The following SHB variants were observed in gnomAD, a reference collection of about 807,000 sequenced individuals.
The protein encoded by SHB is SH2 domain containing adaptor protein B.
A neutral mutation model predicts 52.3 loss-of-function variants in SHB; 20 were observed. The ratio of observed to expected loss-of-function variants is 0.38; its 90% CI spans 0.27 to 0.56. SHB has a LOEUF of 0.56. SHB is among the 20% of genes least tolerant of loss of function. The probability of loss-of-function intolerance (pLI) is 0.71; values close to 1 mark genes in which losing one functional copy is unlikely to be tolerated. For synonymous variants in SHB, 397 were observed against 316.5 expected (o/e 1.25, Z -2.70); for missense variants, 825 against 723.3 (o/e 1.14, Z -1.61).
At chr9:38,066,480 G>A (rs1821961975) in intron 1 of SHB, among the ~76,000 whole-genome samples, 1 of 152,186 alleles carries the variant, frequency 6.6e-6, no homozygotes, top group African/African-American at 2.4e-5. Flanking sequence ...CAGGGTCCTG[G>A]TGGCTCCCAG....
At chr9:37,977,408 A>C (rs139261127) in intron 2 of SHB, among the ~76,000 whole-genome samples, 1 of 152,182 alleles carries the variant, frequency 6.6e-6, no homozygotes, top group Non-Finnish European at 1.5e-5. Flanking sequence ...AGAGAATAAG[A>C]AGGGAAAAAC....
At chr9:37,974,517 G>C (rs1378537199) in intron 3 of SHB, 105 bp downstream of exon 3, 3 of 945,502 alleles carry the variant, frequency 3.2e-6, no homozygotes, top group South Asian at 1.4e-5. Context: ...CACCCAACTG[G>C]ATTATTAAAC....
At chr9:38,030,017 C>T (rs749399478) in intron 1 of SHB, among the ~76,000 whole-genome samples, 9 of 152,182 alleles carry the variant, frequency 5.9e-5, no homozygotes, top group African/African-American at 1.7e-4. Flanking sequence ...CACATCACTG[C>T]GAGATGGATG....
intron 1 of SHB, among the ~76,000 whole-genome samples, chr9:38,019,177 C>T (rs956101636): frequency 2.0e-5 from 3 of 152,214 alleles, no homozygotes; most frequent in African/African-American, 4.8e-5. Flanking sequence ...CAGTGAGCCA[C>T]GTCATCTTTT....
intron 1 of SHB, among the ~76,000 whole-genome samples, chr9:38,063,908 C>T (rs977142558): frequency 6.6e-6 from 1 of 150,542 alleles, no homozygotes; most frequent in Non-Finnish European, 1.5e-5. Flanking sequence ...TGTTGGTACA[C>T]ATTAGTATGT....
chr9:37,967,832 C>T (rs1820544481), intron 3 of SHB, among the ~76,000 whole-genome samples: 1 of 152,246 alleles, frequency 6.6e-6, no homozygotes, highest in African/African-American at 2.4e-5. Flanking sequence ...AATCCACAGA[C>T]ATGTCAGACC....
chr9:37,923,181 G>T (rs189245040), intron 5 of SHB, among the ~76,000 whole-genome samples: 3 of 152,330 alleles, frequency 2.0e-5, no homozygotes, highest in Admixed American at 2.0e-4. Context: ...ACCTGAGAGA[G>T]GGCCTCATGT....
intron 1 of SHB, among the ~76,000 whole-genome samples, chr9:38,060,268 G>A (rs543900692): frequency 9.2e-5 from 14 of 152,022 alleles, no homozygotes; most frequent in East Asian, 3.8e-4. Flanking sequence ...TCTGCCTCCC[G>A]GGTTCAAGCA....
At chr9:37,950,246 T>C (rs1271370374) in intron 4 of SHB, among the ~76,000 whole-genome samples, 1 of 151,940 alleles carries the variant, frequency 6.6e-6, no homozygotes, top group Non-Finnish European at 1.5e-5. Flanking sequence ...CTGATTTTCC[T>C]TGTGTGTGTG....
chr9:38,016,966 C>A (rs2118079998), intron 1 of SHB, among the ~76,000 whole-genome samples: 1 of 152,352 alleles, frequency 6.6e-6, no homozygotes, highest in East Asian at 1.9e-4. Context: ...GGGTGGGGGG[C>A]ACTCCCATGA....
At chr9:37,992,206 G>A (rs1276773546) in intron 2 of SHB, among the ~76,000 whole-genome samples, 3 of 152,066 alleles carry the variant, frequency 2.0e-5, no homozygotes, top group Admixed American at 2.0e-4. Flanking sequence ...TTCGAGACCA[G>A]CCTGGCCAAC....
At position 38,068,598 on chromosome 9, in the gene SHB, G is replaced by C. The variant is rs773155236; in HGVS notation, c.48C>G (p.Thr16=). The change falls in exon 1 of 6, where the codon ACC becomes ACG. Residue 16 remains threonine, a synonymous_variant. Coordinates refer to ENST00000377707, the MANE Select transcript of SHB (RefSeq NM_003028.3). ...NKYFSLGNSK[T]KSPPQPPRPD... is the part of the protein sequence containing the mutation. The stretch of plus-strand genomic sequence containing the variant: ...GCCGCGGCGGCTGCGGGGGGCTCTT[G>C]GTCTTGCTGTTGCCCAAGCTGAAGT... 2.0e-6 allele frequency: 3 copies of C among 1,493,590 alleles called. No homozygotes were observed. The African/African-American group carries it at 4.4e-5, about 22-fold the overall frequency. The allele number at this position is 1,493,590 out of a possible 1,614,324, so 92.5% of individuals were successfully genotyped here.
chr9:37,972,807 G>T (rs1387088758), intron 3 of SHB, among the ~76,000 whole-genome samples: 1 of 152,174 alleles, frequency 6.6e-6, no homozygotes, highest in African/African-American at 2.4e-5. Flanking sequence ...AGCAATTAAG[G>T]GGCCTGGGAT....
chr9:37,975,838 G>C (rs952478929), intron 2 of SHB, among the ~76,000 whole-genome samples: 6 of 152,118 alleles, frequency 3.9e-5, no homozygotes, highest in African/African-American at 1.4e-4. Flanking sequence ...GCTCAGTGTA[G>C]GGCCTGGGAG....
intron 1 of SHB, among the ~76,000 whole-genome samples, chr9:38,066,458 C>G (rs931358289): frequency 3.5e-4 from 53 of 152,202 alleles, no homozygotes; most frequent in African/African-American, 1.3e-3. Context: ...CCTCACTGAC[C>G]AAACACAGGC....
intron 1 of SHB, among the ~76,000 whole-genome samples, chr9:38,030,593 G>A (rs1459793924): frequency 6.6e-6 from 1 of 152,192 alleles, no homozygotes; most frequent in East Asian, 1.9e-4. Context: ...TCCAGGGCTA[G>A]CTTCACAGGT....
In SHB at chr9:37,918,210, T is replaced by C. The variant is rs553429703; in HGVS notation, c.*1611A>G. Among the ~76,000 whole-genome samples the C allele has an allele frequency of 1.6e-4, 25 of 152,360 alleles. No individual in the cohort carries two copies. The South Asian group carries it at 5.0e-3, about 30-fold the overall frequency. ...ACCAGCTGGTGCCTGGCGAAGGCTCTGGAACCCTTGTATCTCATTCAGGAG... is the reference window on the plus strand; with the variant it reads ...ACCAGCTGGTGCCTGGCGAAGGCTCCGGAACCCTTGTATCTCATTCAGGAG... On this transcript the variant is annotated 3_prime_UTR_variant, in exon 6 of 6. Transcript: ENST00000377707.
chr9:38,003,961 G>C (rs569044530), intron 2 of SHB, among the ~76,000 whole-genome samples: 6 of 152,270 alleles, frequency 3.9e-5, no homozygotes, highest in Non-Finnish European at 7.4e-5. Context: ...TCTGTTACTG[G>C]GGAGGGCAGG....
intron 2 of SHB, among the ~76,000 whole-genome samples, chr9:37,976,785 G>A (rs780090769): frequency 1.6e-4 from 25 of 152,144 alleles, no homozygotes; most frequent in Non-Finnish European, 2.5e-4. Flanking sequence ...AGGTCTTCCC[G>A]AAATCAGAAT....
Sources: gnomAD v4.1 joint callset for allele counts (sites outside exome capture counted in the v4.1 genomes callset) on GRCh38, gnomAD v4.1.1 for gene constraint, MANE v1.5 for transcripts, NCBI Gene and HGNC (gene_info 2026-07-23, HGNC 2026-07-21) for gene names.